SMAGP: variants seen among roughly 807,000 people sequenced by gnomAD.
The protein encoded by SMAGP is small cell transmembrane and glycosylated protein.
A neutral mutation model predicts 10.1 loss-of-function variants in SMAGP; 7 were observed. The observed-to-expected ratio is 0.70, with a 90% CI of 0.40 to 1.31. SMAGP has a LOEUF of 1.31. Among genes scored for constraint, SMAGP ranks in the 50% most tolerant of loss-of-function variants. The pLI is 0.01. For synonymous variants in SMAGP, 49 were observed against 47.2 expected, an observed-to-expected ratio of 1.04 and a Z score of -0.16; for missense variants, 113 against 116.5, an observed-to-expected ratio of 0.97 and a Z score of 0.14.
intron 2 of SMAGP, among the ~76,000 whole-genome samples, chr12:51,263,360 G>A (rs1467718445): frequency 6.6e-6 from 1 of 151,378 alleles, no homozygotes; most frequent in African/African-American, 2.4e-5. Context: ...TCCAGCCTGG[G>A]TGACAAGTGG....
At chr12:51,250,802 T>G (rs1009854914) in intron 2 of SMAGP, among the ~76,000 whole-genome samples, 35 of 152,300 alleles carry the variant, frequency 2.3e-4, no homozygotes, top group African/African-American at 7.7e-4. Flanking sequence ...GGTATATGGG[T>G]TGAACCTGGT....
intron 2 of SMAGP, among the ~76,000 whole-genome samples, chr12:51,258,465 C>CTAT (rs1286560686): frequency 6.8e-6 from 1 of 146,494 alleles, no homozygotes; most frequent in African/African-American, 2.5e-5. Flanking sequence ...TGGTGGGCAC[C>CTAT]TATAATCCCA....
chr12:51,248,427 C>T (rs1944801825), intron 2 of SMAGP, among the ~76,000 whole-genome samples: 1 of 98,298 alleles, frequency 1.0e-5, no homozygotes, highest in African/African-American at 4.5e-5. Flanking sequence ...CACACACACA[C>T]ACACACACTC....
At position 51,259,616 on chromosome 12, in the gene SMAGP, T is replaced by TG. The variant is rs34588167; in HGVS notation, c.34+9628dup. Reference sequence around the variant, plus strand: ...AGCAACATCATATATAAAGTACTTATGGGGGGGTCCCTAAAAAAACCACTG... The same window carrying TG: ...AGCAACATCATATATAAAGTACTTATGGGGGGGGTCCCTAAAAAAACCACTG... On this transcript the variant is annotated intron_variant, in intron 2 of 3. Transcript: ENST00000603798. 5.9e-5 allele frequency among the ~76,000 whole-genome samples: 9 copies of TG among 152,026 alleles called. No individual in the cohort carries two copies. In the South Asian group the frequency reaches 8.3e-4, roughly 14 times the overall value.
At chr12:51,247,958 G>C (rs1944794401) in intron 2 of SMAGP, among the ~76,000 whole-genome samples, 1 of 152,232 alleles carries the variant, frequency 6.6e-6, no homozygotes, top group African/African-American at 2.4e-5. Flanking sequence ...AGGAATATCT[G>C]ACCTGGGAGC....
At chr12:51,267,974 T>C (rs896944127) in intron 2 of SMAGP, among the ~76,000 whole-genome samples, 2 of 152,236 alleles carry the variant, frequency 1.3e-5, no homozygotes, top group Non-Finnish European at 2.9e-5. Context: ...CAAAGGTGTA[T>C]AGACCAACCA....
chr12:51,246,051 T>C lies in SMAGP; in HGVS notation c.184A>G (p.Asn62Asp). The change falls in exon 4 of 4, where the codon AAC becomes GAC. Residue 62 changes from asparagine to aspartate, a missense_variant. Asn to Asp is a conservative substitution (Grantham distance 23). Coordinates refer to ENST00000603798, the MANE Select transcript of SMAGP (RefSeq NM_001031628.2). ...TCATAGGTGACGTAGCTGCCTTTGT[T>C]CTTGTACAGGTAAAAGAAGATCAAG... ...VILIFFYLYKNKGSYVTYEPT... is the reference protein window; with the variant it reads ...VILIFFYLYKDKGSYVTYEPT... The C allele has an allele frequency of 6.2e-7, 1 of 1,613,976 alleles. No homozygotes were observed. The highest frequency in any genetic ancestry group is 8.5e-7 in the Non-Finnish European group (1 of 1,179,892).
chr12:51,267,802 TTATCTCTTCTCACCAGACAAC>T (rs1254200408), intron 2 of SMAGP, among the ~76,000 whole-genome samples: 1 of 152,140 alleles, frequency 6.6e-6, no homozygotes, highest in Non-Finnish European at 1.5e-5. Flanking sequence ...TTTCTCTCTT[TTATCTCTTCTCACCAGACAAC>T]TAAAAGTCTG....
chr12:51,255,497 C>T (rs891197612), intron 2 of SMAGP, among the ~76,000 whole-genome samples: 3 of 152,156 alleles, frequency 2.0e-5, no homozygotes, highest in Non-Finnish European at 4.4e-5. Flanking sequence ...TTGAGAGGAA[C>T]CCCAATCCTG....
intron 2 of SMAGP, among the ~76,000 whole-genome samples, chr12:51,264,607 C>T (rs564458668): frequency 5.1e-5 from 6 of 117,980 alleles, no homozygotes; most frequent in Admixed American, 3.1e-4. Flanking sequence ...GCCTGGGCAA[C>T]AGAGTAAGAT....
chr12:51,257,121 G>C (rs1325803027), intron 2 of SMAGP, among the ~76,000 whole-genome samples: 1 of 152,196 alleles, frequency 6.6e-6, no homozygotes, highest in East Asian at 1.9e-4. Context: ...GCTGTGACTG[G>C]AGGGGAAAGG....
intron 2 of SMAGP, among the ~76,000 whole-genome samples, chr12:51,267,526 C>A (rs1428116242): frequency 8.2e-6 from 1 of 121,764 alleles, no homozygotes; most frequent in African/African-American, 3.0e-5. Flanking sequence ...CAGGGTCTTG[C>A]TCTGTCACCT....
At chr12:51,269,114 G>T in intron 2 of SMAGP, 131 bp downstream of exon 2, 1 of 940,826 alleles carries the variant, frequency 1.1e-6, no homozygotes, top group Non-Finnish European at 1.7e-6. Context: ...TTCCTCCCAG[G>T]CCCTTCCTGT....
intron 2 of SMAGP, among the ~76,000 whole-genome samples, chr12:51,252,683 G>GCCCCCCCCCCC (rs1353120777): frequency 4.7e-5 from 7 of 149,824 alleles, no homozygotes; most frequent in East Asian, 4.7e-4. Context: ...GAGCCACATC[G>GCCCCCCCCCCC]CCCCCCGAAG....
At chr12:51,251,748 TTTATA>T (rs1377964194) in intron 2 of SMAGP, among the ~76,000 whole-genome samples, 20 of 152,144 alleles carry the variant, frequency 1.3e-4, no homozygotes, top group Middle Eastern at 3.2e-3. Flanking sequence ...GTCATGTTGG[TTTATA>T]TGTGACTTCT....
chr12:51,266,886 A>T (rs1944978979), intron 2 of SMAGP, among the ~76,000 whole-genome samples: 1 of 152,170 alleles, frequency 6.6e-6, no homozygotes, highest in East Asian at 1.9e-4. Context: ...GAGGCCGAGA[A>T]GGGCAGATCA....
chr12:51,250,651 G>A (rs1197024119), intron 2 of SMAGP, among the ~76,000 whole-genome samples: 1 of 151,924 alleles, frequency 6.6e-6, no homozygotes, highest in Admixed American at 6.6e-5. Context: ...CAAAATGCTG[G>A]GATTATAAGC....
chr12:51,265,601 T>C (rs1316968356), intron 2 of SMAGP, among the ~76,000 whole-genome samples: 1 of 152,206 alleles, frequency 6.6e-6, no homozygotes, highest in Non-Finnish European at 1.5e-5. Context: ...CTAAGTGAAG[T>C]TAGCCAGACA....
Position 51,246,020 on chromosome 12 carries a change from G to A in SMAGP, c.215C>T (p.Thr72Ile). 1 of 1,613,940 alleles carries A rather than the reference G, an allele frequency of 6.2e-7. No individual in the cohort carries two copies. The highest frequency in any genetic ancestry group is 8.5e-7 in the Non-Finnish European group (1 of 1,179,856). The change falls in exon 4 of 4, where the codon ACA (threonine) becomes ATA (isoleucine). Residue 72 changes from threonine to isoleucine, a missense_variant. By Grantham distance (89) the Thr-to-Ile change is moderately conservative. Transcript: ENST00000603798. ...GACGATGGCACTGGGCTCACCTTCT[G>A]TAGGTTCATAGGTGACGTAGCTGCC... ...NKGSYVTYEP[T>I]EGEPSAIVQM...
Sources: gnomAD v4.1 joint callset for allele counts (sites outside exome capture counted in the v4.1 genomes callset) on GRCh38, gnomAD v4.1.1 for gene constraint, MANE v1.5 for transcripts, NCBI Gene and HGNC (gene_info 2026-07-23, HGNC 2026-07-21) for gene names.